FSTL5: variants seen among roughly 807,000 people sequenced by gnomAD.
The protein encoded by FSTL5 is follistatin like 5.
In FSTL5, 62 loss-of-function variants were observed where a neutral mutation model predicts 89.1. The observed-to-expected ratio is 0.70, with a 90% confidence interval of 0.57 to 0.86. The LOEUF (loss-of-function observed/expected upper bound fraction) is 0.86, where lower values mean the gene tolerates loss of function less well. Among genes scored for constraint, FSTL5 ranks in the 40% least tolerant of loss-of-function variants. The pLI is 0.00. For synonymous variants in FSTL5, 383 were observed against 346.2 expected, an observed-to-expected ratio of 1.11 and a Z score of -1.18; for missense variants, 1,057 against 1,001.6, an observed-to-expected ratio of 1.06 and a Z score of -0.75.
At chr4:161,577,762 C>A (rs1261084919) in intron 8 of FSTL5, among the ~76,000 whole-genome samples, 1 of 152,084 alleles carries the variant, frequency 6.6e-6, no homozygotes, top group East Asian at 1.9e-4. Context: ...AATTTTATGA[C>A]TACGGAAACC....
chr4:161,517,236 C>T (rs1730873509), intron 10 of FSTL5, among the ~76,000 whole-genome samples: 1 of 152,116 alleles, frequency 6.6e-6, no homozygotes, highest in Non-Finnish European at 1.5e-5. Flanking sequence ...GGAACCAAGA[C>T]TTTGGACTAA....
intron 3 of FSTL5, among the ~76,000 whole-genome samples, chr4:161,935,896 A>G (rs751068873): frequency 2.0e-5 from 3 of 152,218 alleles, no homozygotes; most frequent in Non-Finnish European, 4.4e-5. Flanking sequence ...TAAAAACAAA[A>G]GCAGGCTAGG....
chr4:162,081,989 C>T (rs900387588), intron 2 of FSTL5, among the ~76,000 whole-genome samples: 1 of 151,614 alleles, frequency 6.6e-6, no homozygotes, highest in African/African-American at 2.4e-5. Flanking sequence ...TTTAAATGTG[C>T]ATTGATTCCA....
At chr4:161,983,947 C>T (rs1284241186) in intron 3 of FSTL5, among the ~76,000 whole-genome samples, 1 of 151,970 alleles carries the variant, frequency 6.6e-6, no homozygotes, top group Non-Finnish European at 1.5e-5. Flanking sequence ...ATGAAATACA[C>T]AATATCGGTA....
At position 161,769,349 on chromosome 4, in the gene FSTL5, AC is replaced by A. The variant is rs1741128046; in HGVS notation, c.606+6528del. Reference sequence around the variant, plus strand: ...AAACTCATTCCATGAGACCAGTATTACCCTGATTCCAAAACCAGAAAAAGGT... The same window carrying A: ...AAACTCATTCCATGAGACCAGTATTACCTGATTCCAAAACCAGAAAAAGGT... On this transcript the variant is annotated intron_variant, in intron 5 of 15. Coordinates refer to ENST00000306100, the MANE Select transcript of FSTL5 (RefSeq NM_020116.5). Among the ~76,000 whole-genome samples the A allele has an allele frequency of 1.3e-5, 2 of 152,004 alleles. 1 individual carries two copies. Among genetic ancestry groups the A allele is most frequent in the South Asian group, 4.1e-4 (2 of 4,836 alleles).
At chr4:161,895,970 G>A (rs904276019) in intron 4 of FSTL5, among the ~76,000 whole-genome samples, 9 of 152,046 alleles carry the variant, frequency 5.9e-5, no homozygotes, top group African/African-American at 2.2e-4. Flanking sequence ...ATGATATTGG[G>A]CTTTACCAAA....
At chr4:161,651,872 T>C (rs1184119398) in intron 7 of FSTL5, among the ~76,000 whole-genome samples, 1 of 152,138 alleles carries the variant, frequency 6.6e-6, no homozygotes. Flanking sequence ...TGGTGCAAAA[T>C]ATAAAACAGA....
At chr4:161,748,057 T>C (rs1046649442) in intron 6 of FSTL5, among the ~76,000 whole-genome samples, 1 of 152,158 alleles carries the variant, frequency 6.6e-6, no homozygotes, top group Non-Finnish European at 1.5e-5. Flanking sequence ...AACTTTGTTA[T>C]TTAACAAAAT....
At chr4:161,991,661 T>G (rs1736115042) in intron 3 of FSTL5, among the ~76,000 whole-genome samples, 1 of 152,178 alleles carries the variant, frequency 6.6e-6, no homozygotes, top group African/African-American at 2.4e-5. Context: ...GGCCGGTTTT[T>G]CATATATGCA....
At chr4:162,127,977 T>A (rs901353617) in intron 1 of FSTL5, among the ~76,000 whole-genome samples, 9 of 152,156 alleles carry the variant, frequency 5.9e-5, no homozygotes, top group African/African-American at 1.9e-4. Context: ...TCCCACCAGT[T>A]GTACAGATTT....
intron 4 of FSTL5, among the ~76,000 whole-genome samples, chr4:161,778,204 G>A (rs1285009226): frequency 2.0e-5 from 3 of 152,128 alleles, no homozygotes; most frequent in Non-Finnish European, 2.9e-5. Context: ...ATGGCCTCAT[G>A]ATGAGGTCTT....
intron 4 of FSTL5, among the ~76,000 whole-genome samples, chr4:161,889,905 A>G (rs1732933349): frequency 6.6e-6 from 1 of 152,206 alleles, no homozygotes; most frequent in Admixed American, 6.5e-5. Flanking sequence ...TATTTACAGG[A>G]ATACAAAAGT....
chr4:161,399,664 T>C (rs1420610873), intron 15 of FSTL5, among the ~76,000 whole-genome samples: 1 of 152,084 alleles, frequency 6.6e-6, no homozygotes, highest in Non-Finnish European at 1.5e-5. Flanking sequence ...TTTATGGCAT[T>C]GCATTGAACA....
chr4:161,676,239 G>A (rs539351532), intron 6 of FSTL5, among the ~76,000 whole-genome samples: 1 of 151,994 alleles, frequency 6.6e-6, no homozygotes, highest in South Asian at 2.1e-4. Flanking sequence ...TACCTTATTT[G>A]CTTAAAACAA....
At chr4:161,885,341 T>C (rs1351934707) in intron 4 of FSTL5, among the ~76,000 whole-genome samples, 1 of 152,166 alleles carries the variant, frequency 6.6e-6, no homozygotes, top group Non-Finnish European at 1.5e-5. Context: ...GTATACTCTG[T>C]TTTGGAAATC....
At chr4:161,461,074 G>C (rs1018387707) in intron 13 of FSTL5, among the ~76,000 whole-genome samples, 2 of 151,654 alleles carry the variant, frequency 1.3e-5, no homozygotes, top group South Asian at 4.1e-4. Flanking sequence ...TCCACCACAT[G>C]TTCTCTTATT....
chr4:161,536,035 T>G (rs939645921), intron 10 of FSTL5, among the ~76,000 whole-genome samples: 2 of 151,974 alleles, frequency 1.3e-5, no homozygotes, highest in African/African-American at 2.4e-5. Flanking sequence ...GAGCTAAACA[T>G]TGAATACACA....
chr4:161,387,182 C>T (rs959151540), intron 15 of FSTL5: 2 of 151,950 alleles, frequency 1.3e-5, no homozygotes, highest in African/African-American at 4.8e-5. Flanking sequence ...ACCTAGAACA[C>T]AAGCAACTTT....
intron 8 of FSTL5, among the ~76,000 whole-genome samples, chr4:161,584,408 T>G (rs1387428382): frequency 6.6e-6 from 1 of 152,192 alleles, no homozygotes; most frequent in East Asian, 1.9e-4. Flanking sequence ...AATTTTAAAT[T>G]TAATTGATTT....
Sources: allele counts gnomAD v4.1 joint callset (sites outside exome capture counted in the v4.1 genomes callset), GRCh38; gene constraint gnomAD v4.1.1; transcripts MANE v1.5; gene names NCBI Gene and HGNC (gene_info 2026-07-23, HGNC 2026-07-21).